Variants in DAB1 observed in about 807,000 individuals in gnomAD.
DAB1 encodes the protein disabled homolog 1.
DAB1 carries 15 observed loss-of-function variants against 64.6 expected under a neutral mutation model. The ratio of observed to expected loss-of-function variants is 0.23; its 90% CI spans 0.16 to 0.36. The LOEUF is 0.36. Among genes scored for constraint, DAB1 ranks in the 10% least tolerant of loss-of-function variants. The pLI, the probability that DAB1 is intolerant of heterozygous loss-of-function variation, is 1.00. For synonymous variants in DAB1, 235 were observed against 251.9 expected (o/e 0.93, Z 0.64); for missense variants, 596 against 706.7 (o/e 0.84, Z 1.78).
Position 57,679,469 on chromosome 1 carries a change from C to T in DAB1, n.552-29804G>A, listed in dbSNP as rs528632800. Among the ~76,000 whole-genome samples the T allele has an allele frequency of 5.3e-5, 8 of 152,316 alleles. No individual in the cohort carries two copies. In the South Asian group the frequency reaches 1.7e-3, roughly 32 times the overall value. On this transcript the variant is annotated intron_variant and non_coding_transcript_variant, in intron 6 of 20. Transcript: ENST00000485760. Reference sequence around the variant, plus strand: ...ACACGCTCTTCATCATCTTTAGCCACTCTGAGAGCATCGTTCACAGTCCTC... The same window carrying T: ...ACACGCTCTTCATCATCTTTAGCCATTCTGAGAGCATCGTTCACAGTCCTC...
chr1:57,894,510 A>G (rs1392496728), intron 5 of DAB1, among the ~76,000 whole-genome samples: 1 of 152,164 alleles, frequency 6.6e-6, no homozygotes, highest in African/African-American at 2.4e-5. Flanking sequence ...AGGATTCACA[A>G]AGGTAAACAC....
At position 58,313,320 on chromosome 1, in the gene DAB1, T is replaced by C. The variant is rs547509923; in HGVS notation, n.309+30032A>G. ...TGGGGCTAGTAGTAGGTGGGGCTCC[T>C]TGACATCTCTAGGTCTGAAGGGGCA... On this transcript the variant is annotated intron_variant and non_coding_transcript_variant, in intron 4 of 20. Transcript: ENST00000485760. Among the ~76,000 whole-genome samples, 7 of 152,246 alleles carry C rather than the reference T, an allele frequency of 4.6e-5. No individual in the cohort carries two copies. The South Asian group carries it at 1.5e-3, about 32-fold the overall frequency.
At chr1:57,041,252 T>A (rs1376901298) in intron 9 of DAB1, among the ~76,000 whole-genome samples, 1 of 152,226 alleles carries the variant, frequency 6.6e-6, no homozygotes, top group African/African-American at 2.4e-5. Flanking sequence ...TTGGATTTGA[T>A]TATCAAGGCA....
At chr1:57,561,166 T>C (rs999330133) in intron 7 of DAB1, among the ~76,000 whole-genome samples, 22 of 152,278 alleles carry the variant, frequency 1.4e-4, no homozygotes, top group African/African-American at 5.3e-4. Context: ...GATGAACTCA[T>C]GGGGAGTTCC....
intron 5 of DAB1, among the ~76,000 whole-genome samples, chr1:58,136,024 T>C (rs1057251363): frequency 2.6e-5 from 4 of 152,152 alleles, no homozygotes; most frequent in Non-Finnish European, 1.5e-5. Flanking sequence ...ACCAGTCACA[T>C]TCACTCAGAT....
At chr1:58,074,552 AT>A (rs1649495170) in intron 5 of DAB1, 1 of 75,728 alleles carries the variant, frequency 1.3e-5, no homozygotes, top group African/African-American at 5.5e-5. Flanking sequence ...ATACACACAT[AT>A]ATATATGTGT....
intron 4 of DAB1, among the ~76,000 whole-genome samples, chr1:58,257,138 G>A (rs761417246): frequency 7.2e-5 from 11 of 152,116 alleles, no homozygotes; most frequent in Non-Finnish European, 1.3e-4. Flanking sequence ...TAATTATCCA[G>A]AGCCTACTGT....
chr1:57,664,369 A>G (rs1267172809), intron 6 of DAB1, among the ~76,000 whole-genome samples: 2 of 152,184 alleles, frequency 1.3e-5, no homozygotes, highest in Non-Finnish European at 2.9e-5. Flanking sequence ...AAATTGTGAG[A>G]TATCTGCTCT....
chr1:58,072,071 C>T (rs1052105445), intron 5 of DAB1, among the ~76,000 whole-genome samples: 2 of 63,338 alleles, frequency 3.2e-5, no homozygotes, highest in Admixed American at 2.9e-4. Flanking sequence ...GGATAGCAAA[C>T]ATTATTGGTG....
chr1:57,061,226 GAT>G (rs1650351456), intron 9 of DAB1, among the ~76,000 whole-genome samples: 2 of 57,276 alleles, frequency 3.5e-5, no homozygotes, highest in African/African-American at 1.3e-4. Flanking sequence ...GCCATATTTA[GAT>G]GGGGGGGGGG....
At chr1:57,225,327 G>T (rs1464962393) in intron 2 of DAB1, among the ~76,000 whole-genome samples, 1 of 152,190 alleles carries the variant, frequency 6.6e-6, no homozygotes, top group Non-Finnish European at 1.5e-5. Context: ...AAGTTGTGGG[G>T]TCTGTGCTTA....
intron 12 of DAB1, among the ~76,000 whole-genome samples, chr1:57,012,300 GC>G (rs1480594140): frequency 3.3e-5 from 5 of 152,194 alleles, no homozygotes; most frequent in Non-Finnish European, 7.3e-5. Context: ...TTTATAATGT[GC>G]CAATGAGTTG....
rs568209863 is a variant in DAB1 at position 57,439,419 on chromosome 1, TTTTTTC to T, written n.626-148259_626-148254del. Among the ~76,000 whole-genome samples, 36 of 114,358 alleles carry T rather than the reference TTTTTTC, an allele frequency of 3.1e-4. 2 individuals carry two copies. Among genetic ancestry groups the T allele is most frequent in the East Asian group, 9.8e-4 (4 of 4,098 alleles). 75.0% of individuals were successfully genotyped at this position (114,358 alleles called of 152,430 possible). On this transcript the variant is annotated intron_variant and non_coding_transcript_variant, in intron 7 of 20. Transcript: ENST00000485760. ...CCATGCCATCAACTTGGTGATGAGG[TTTTTTC>T]TTTTTTTTTTTTTTTTTTTTTTGAG...
intron 4 of DAB1, 77 bp downstream of exon 4, chr1:57,136,466 C>A (rs1658106299): frequency 2.6e-6 from 2 of 755,352 alleles, no homozygotes; most frequent in Non-Finnish European, 4.1e-6. Context: ...TATATTCCTG[C>A]CCAGAGAGTA....
chr1:58,325,770 C>T (rs1192954085), intron 4 of DAB1, among the ~76,000 whole-genome samples: 2 of 152,188 alleles, frequency 1.3e-5, no homozygotes, highest in African/African-American at 4.8e-5. Flanking sequence ...TGAGACCTGG[C>T]TTGTAGCAAG....
At chr1:58,167,304 G>A (rs986512533) in intron 4 of DAB1, among the ~76,000 whole-genome samples, 2 of 152,106 alleles carry the variant, frequency 1.3e-5, no homozygotes, top group African/African-American at 4.8e-5. Context: ...GATTGTAAAT[G>A]CACCAATCAG....
intron 3 of DAB1, among the ~76,000 whole-genome samples, chr1:58,461,798 T>G (rs1409957295): frequency 6.6e-6 from 1 of 152,218 alleles, no homozygotes; most frequent in Non-Finnish European, 1.5e-5. Flanking sequence ...TGATGAGAAA[T>G]GCGCTGATTT....
intron 4 of DAB1, among the ~76,000 whole-genome samples, chr1:58,337,942 G>A (rs1247398117): frequency 6.6e-6 from 1 of 151,184 alleles, no homozygotes; most frequent in Non-Finnish European, 1.5e-5. Flanking sequence ...GTACTATTAC[G>A]TACACTGCCA....
chr1:57,665,599 TA>T lies in DAB1; in HGVS notation n.552-15935del, dbSNP rs1023153282. Among the ~76,000 whole-genome samples the T allele has an allele frequency of 9.2e-5, 14 of 152,268 alleles. No individual in the cohort carries two copies. The East Asian group carries it at 1.5e-3, about 17-fold the overall frequency. On this transcript the variant is annotated intron_variant and non_coding_transcript_variant, in intron 6 of 20. Transcript: ENST00000485760. ...TATGACAGGATAATTGGAAACAACT[TA>T]AATGCCTATTTGTAGGGGAGATAGT... is the stretch of plus-strand genomic sequence containing the variant.
Sources: gnomAD v4.1 joint callset for allele counts (sites outside exome capture counted in the v4.1 genomes callset) on GRCh38, gnomAD v4.1.1 for gene constraint, MANE v1.5 for transcripts, NCBI Gene and HGNC (gene_info 2026-07-23, HGNC 2026-07-21) for gene names.